The following CWC22 variants were observed in gnomAD, a reference collection of about 807,000 sequenced individuals.
The protein encoded by CWC22 is pre-mRNA-splicing factor CWC22 homolog.
In CWC22, 53 loss-of-function variants were observed where a neutral mutation model predicts 117.2. The ratio of observed to expected loss-of-function variants is 0.45; its 90% CI spans 0.36 to 0.57. CWC22 has a LOEUF of 0.57. Ranked by LOEUF, CWC22 falls within the 20% of genes least tolerant of loss-of-function variation. The probability of loss-of-function intolerance (pLI) is 0.00; values close to 1 mark genes in which losing one functional copy is unlikely to be tolerated. For synonymous variants in CWC22, 360 were observed against 355.6 expected (o/e 1.01, Z -0.14); for missense variants, 980 against 1,068.8 (o/e 0.92, Z 1.16).
At chr2:179,958,612 C>T (rs1250793748) in intron 14 of CWC22, among the ~76,000 whole-genome samples, 2 of 151,376 alleles carry the variant, frequency 1.3e-5, no homozygotes, top group Non-Finnish European at 1.5e-5. Context: ...TATGTGTGGC[C>T]CAAGACAATT....
At chr2:180,006,399 C>T (rs1028181489) in intron 1 of CWC22, among the ~76,000 whole-genome samples, 1 of 152,034 alleles carries the variant, frequency 6.6e-6, no homozygotes, top group Non-Finnish European at 1.5e-5. Context: ...GCCTGGAGAC[C>T]CAAGTTTGGC....
chr2:179,992,696 G>A (rs1046706439), intron 2 of CWC22, among the ~76,000 whole-genome samples: 4 of 152,068 alleles, frequency 2.6e-5, no homozygotes, highest in African/African-American at 9.7e-5. Flanking sequence ...TCACTATTTT[G>A]TTCAAAGTTC....
At chr2:179,949,880 T>C (rs528065628) in intron 19 of CWC22, among the ~76,000 whole-genome samples, 1 of 152,182 alleles carries the variant, frequency 6.6e-6, no homozygotes, top group East Asian at 1.9e-4. Flanking sequence ...CTCACAAACA[T>C]AATGGTAAAA....
At chr2:179,989,615 C>T (rs1356584050) in intron 2 of CWC22, among the ~76,000 whole-genome samples, 1 of 151,962 alleles carries the variant, frequency 6.6e-6, no homozygotes, top group Non-Finnish European at 1.5e-5. Flanking sequence ...AATCAATATA[C>T]AAATAAGTAA....
intron 5 of CWC22, among the ~76,000 whole-genome samples, chr2:179,979,655 G>A (rs6744281): frequency 0.89 from 136,021 of 152,176 alleles, 60,828 homozygotes; most frequent in East Asian, 1. Flanking sequence ...CTCACTTTGC[G>A]GTTAATTTTA....
At chr2:179,973,046 T>C in intron 8 of CWC22, 147 bp downstream of exon 8, 1 of 406,092 alleles carries the variant, frequency 2.5e-6, no homozygotes, top group Non-Finnish European at 4.5e-6. Context: ...AATATATTTA[T>C]TATAGTTTTA....
Position 179,986,726 on chromosome 2 carries a change from C to G in CWC22, c.175G>C (p.Gly59Arg). 6.2e-7 allele frequency: 1 copy of G among 1,605,604 alleles called. No homozygotes were observed. The highest frequency in any genetic ancestry group is 8.5e-7 in the Non-Finnish European group (1 of 1,174,074). Residue 59 changes from glycine to arginine, a missense_variant, in exon 4 of 20, where the codon GGA (glycine) becomes CGA (arginine). Gly to Arg is a moderately radical substitution (Grantham distance 125, BLOSUM62 -2). Coordinates refer to ENST00000410053, the MANE Select transcript of CWC22 (RefSeq NM_020943.3). ...SRSDYEHSRRGRSYDSSMESR... is the reference protein window; with the variant it reads ...SRSDYEHSRRRRSYDSSMESR... Reference sequence around the variant, plus strand: ...TCCATGCTACTATCATAAGAACGTCCTCTTCTTGAATGCTCATAGTCTGAT... The same window carrying G: ...TCCATGCTACTATCATAAGAACGTCGTCTTCTTGAATGCTCATAGTCTGAT...
intron 5 of CWC22, 150 bp downstream of exon 5, chr2:179,981,602 T>G (rs1391141228): frequency 4.8e-6 from 3 of 621,510 alleles, no homozygotes; most frequent in Non-Finnish European, 8.3e-6. Context: ...GGCTCTCCAA[T>G]GGAGCTATAA....
In CWC22 at chr2:179,950,750, C is replaced by G; in HGVS notation, c.1920-18G>C. The G allele has an allele frequency of 1.9e-6, 3 of 1,606,692 alleles. No homozygotes were observed. The highest frequency in any genetic ancestry group is 2.6e-6 in the Non-Finnish European group (3 of 1,173,832). On this transcript the variant is annotated intron_variant, in intron 18 of 19. Coordinates refer to ENST00000410053, the MANE Select transcript of CWC22 (RefSeq NM_020943.3). The stretch of plus-strand genomic sequence containing the variant: ...GTTCATCCCTAATTTAAAATATAAT[C>G]TGTTAGATTCTATTTCAAAGACAAT...
intron 1 of CWC22, 128 bp from the exon 2 acceptor site, chr2:179,993,582 T>C (rs1157762238): frequency 6.3e-6 from 3 of 476,570 alleles, no homozygotes; most frequent in Non-Finnish European, 1.1e-5. Context: ...ATAATAAAAA[T>C]TGTAAAAATC....
At chr2:179,986,877 A>G in intron 3 of CWC22, 72 bp from the exon 4 acceptor site, 1 of 797,716 alleles carries the variant, frequency 1.3e-6, no homozygotes, top group Non-Finnish European at 1.9e-6. Context: ...AAAGTCATAT[A>G]TTGGTAATGG....
At chr2:179,979,938 C>T (rs943276928) in intron 5 of CWC22, among the ~76,000 whole-genome samples, 3 of 152,170 alleles carry the variant, frequency 2.0e-5, no homozygotes, top group African/African-American at 7.2e-5. Context: ...AAGACTATGG[C>T]CTTCTCTTAC....
intron 14 of CWC22, among the ~76,000 whole-genome samples, chr2:179,958,136 G>A (rs937535211): frequency 1.3e-5 from 2 of 151,932 alleles, no homozygotes; most frequent in African/African-American, 4.8e-5. Flanking sequence ...TTTGAGACTA[G>A]CCTGGTCAAC....
intron 13 of CWC22, among the ~76,000 whole-genome samples, chr2:179,960,707 G>A (rs1417802850): frequency 6.6e-6 from 1 of 151,930 alleles, no homozygotes; most frequent in African/African-American, 2.4e-5. Context: ...CGTCCCAGAA[G>A]TAGAACTTGA....
At chr2:179,963,335 C>CT (rs774947016) in intron 13 of CWC22, among the ~76,000 whole-genome samples, 57,395 of 81,870 alleles carry the variant, frequency 0.7, 23,042 homozygotes, top group South Asian at 0.78. Context: ...ATATTTAATA[C>CT]TTTTTTTTTT....
At chr2:179,967,877 G>C (rs1482399609) in intron 11 of CWC22, among the ~76,000 whole-genome samples, 1 of 151,350 alleles carries the variant, frequency 6.6e-6, no homozygotes, top group East Asian at 2.0e-4. Flanking sequence ...TTAGATATTT[G>C]GCCAACAATT....
At chr2:179,993,648 C>T (rs778786741) in intron 1 of CWC22, among the ~76,000 whole-genome samples, 194 bp from the exon 2 acceptor site, 1 of 151,620 alleles carries the variant, frequency 6.6e-6, no homozygotes, top group Non-Finnish European at 1.5e-5. Context: ...GAAAAAAAAT[C>T]CATGAACAAG....
intron 2 of CWC22, among the ~76,000 whole-genome samples, chr2:179,989,765 T>C (rs1363350605): frequency 6.6e-6 from 1 of 152,086 alleles, no homozygotes; most frequent in African/African-American, 2.4e-5. Flanking sequence ...ATATAACTGG[T>C]CAACATTCAA....
intron 1 of CWC22, among the ~76,000 whole-genome samples, chr2:180,001,226 G>A (rs1228403643): frequency 6.6e-6 from 1 of 151,878 alleles, no homozygotes; most frequent in Non-Finnish European, 1.5e-5. Flanking sequence ...ATATTTATGG[G>A]GCAAATTCCC....
Sources: gnomAD v4.1 joint callset for allele counts (sites outside exome capture counted in the v4.1 genomes callset) on GRCh38, gnomAD v4.1.1 for gene constraint, MANE v1.5 for transcripts, NCBI Gene and HGNC (gene_info 2026-07-23, HGNC 2026-07-21) for gene names.